Variants in CACNB1 observed in about 807,000 individuals in gnomAD.
CACNB1 encodes the protein voltage-dependent L-type calcium channel subunit beta-1.
CACNB1 carries 29 observed loss-of-function variants against 71.6 expected under a neutral mutation model. That is an observed-to-expected ratio of 0.40 (90% CI 0.30 to 0.55). CACNB1 has a LOEUF of 0.55. Ranked by LOEUF, CACNB1 falls within the 20% of genes least tolerant of loss-of-function variation. The probability of loss-of-function intolerance (pLI) is 0.38; values close to 1 mark genes in which losing one functional copy is unlikely to be tolerated. For missense variants in CACNB1, 623 were observed against 801.8 expected (o/e 0.78, Z 2.69); for synonymous variants, 300 against 319.6 (o/e 0.94, Z 0.65).
At position 39,175,851 on chromosome 17, in the gene CACNB1, C is replaced by T. The variant is rs576371148; in HGVS notation, c.1333-194G>A. On this transcript the variant is annotated intron_variant, in intron 13 of 13. Transcript: ENST00000394303. The surrounding 1 kb of genome is among the most constrained non-coding windows in gnomAD (Gnocchi z 4.7). ...GACAGACCTCAGGGCATTTGCTCCT[C>T]TCTCGGGACAGGGGGCACCCGACCT... 1.3e-5 allele frequency among the ~76,000 whole-genome samples: 2 copies of T among 152,132 alleles called. No individual in the cohort carries two copies. The highest frequency in any genetic ancestry group is 4.1e-4 in the South Asian group (2 of 4,822).
intron 8 of CACNB1, 146 bp from the exon 9 acceptor site, chr17:39,184,529 G>A (rs1298509528): frequency 4.6e-6 from 3 of 648,644 alleles, no homozygotes; most frequent in Non-Finnish European, 8.4e-6. Flanking sequence ...GAGTCTGAGG[G>A]GCCTCCACTG....
Position 39,186,203 on chromosome 17 carries a change from TG to T in CACNB1, c.628+292del. On this transcript the variant is annotated intron_variant, in intron 6 of 13. Transcript: ENST00000394303. The surrounding 1 kb of genome is among the most constrained non-coding windows in gnomAD (Gnocchi z 4.1). The stretch of plus-strand genomic sequence containing the variant: ...CAAGTACAGAACGCAGGGATGGGGA[TG>T]GGGAAAAAAGAAAGAAGAAGAGGTG... 9.8e-7 allele frequency: 1 copy of T among 1,018,590 alleles called. No individual in the cohort carries two copies. The highest frequency in any genetic ancestry group is 1.5e-6 in the Non-Finnish European group (1 of 669,966). The allele number at this position is 1,018,590 out of a possible 1,614,324, so 63.1% of individuals were successfully genotyped here.
intron 9 of CACNB1, 37 bp downstream of exon 9, chr17:39,184,288 C>T: frequency 7.0e-7 from 1 of 1,427,558 alleles, no homozygotes; most frequent in Non-Finnish European, 9.7e-7. Flanking sequence ...CAGCAGAGAG[C>T]AACGGCAGGT....
rs1260882180 is a variant in CACNB1, at chr17:39,175,177, G to T, written c.*16C>A. On this transcript the variant is annotated 3_prime_UTR_variant, in exon 14 of 14. Transcript: ENST00000394303. This position sits in a 1 kb window ranked among gnomAD's most constrained non-coding sequence, Gnocchi z 4.7. ...TGGGCTCAGAGCCCTTCCTCCCGCC[G>T]TGTGGCCCCTGCCTCTCAGCGAATG... is the stretch of plus-strand genomic sequence containing the variant. The T allele has an allele frequency of 6.3e-7, 1 of 1,588,002 alleles. No homozygotes were observed. Among genetic ancestry groups the T allele is most frequent in the Non-Finnish European group, 8.6e-7 (1 of 1,162,276 alleles).
chr17:39,184,847 G>A lies in CACNB1; in HGVS notation c.666C>T (p.Pro222=). 1 of 1,606,316 alleles carries A rather than the reference G, an allele frequency of 6.2e-7. No individual in the cohort carries two copies. Among genetic ancestry groups the A allele is most frequent in the Non-Finnish European group, 8.5e-7 (1 of 1,173,138 alleles). ...QKQKSTEHVP[P]YDVVPSMRPI... is the part of the protein sequence containing the mutation. ...GCCTCATGGAAGGCACCACGTCATAGGGGGGCACATGCTCTGTCTGGGGGG... is the reference window on the plus strand; with the variant it reads ...GCCTCATGGAAGGCACCACGTCATAAGGGGGCACATGCTCTGTCTGGGGGG... The change falls in exon 8 of 14, where the codon CCC becomes CCT. Residue 222 remains proline, a synonymous_variant. Coordinates refer to ENST00000394303, the MANE Select transcript of CACNB1 (RefSeq NM_000723.5).
In CACNB1 at chr17:39,186,223, A is replaced by C; in HGVS notation, c.628+273T>G. On this transcript the variant is annotated intron_variant, in intron 6 of 13. Transcript: ENST00000394303. This position sits in a 1 kb window ranked among gnomAD's most constrained non-coding sequence, Gnocchi z 4.1. ...GGGGATGGGGAAAAAAGAAAGAAGA[A>C]GAGGTGAATGGAACAGGGCTGGGAG... The C allele has an allele frequency of 1.2e-6, 1 of 837,122 alleles. No individual in the cohort carries two copies. Among genetic ancestry groups the C allele is most frequent in the Non-Finnish European group, 1.9e-6 (1 of 513,944 alleles). 51.9% of individuals were successfully genotyped at this position (837,122 alleles called of 1,614,324 possible). A position where few individuals can be genotyped will look rare whatever the true frequency, so the allele number is the denominator to read the frequency against.
rs776824041 is a variant in CACNB1 at position 39,186,533 on chromosome 17, C to G, written c.591G>C (p.Val197=). ...GDNSSSSLGD[V]VTGTRRPTPP... ...GTGTGGGGCGGCGGGTGCCAGTCAC[C>G]ACATCTCCCAGACTGGAACTGGAGT... Residue 197 remains valine (V), a synonymous_variant, in exon 6 of 14, where the codon GTG becomes GTC. Transcript: ENST00000394303. This position sits in a 1 kb window ranked among gnomAD's most constrained non-coding sequence, Gnocchi z 4.1. The G allele has an allele frequency of 3.2e-5, 52 of 1,613,664 alleles. No individual in the cohort carries two copies. Among genetic ancestry groups the G allele is most frequent in the Non-Finnish European group, 4.4e-5 (52 of 1,179,802 alleles).
chr17:39,186,525 C>T lies in CACNB1; in HGVS notation c.599G>A (p.Gly200Asp). The T allele has an allele frequency of 3.1e-6, 5 of 1,613,362 alleles. No individual in the cohort carries two copies. Among genetic ancestry groups the T allele is most frequent in the Non-Finnish European group, 4.2e-6 (5 of 1,179,674 alleles). ...GGCAGGGGGTGTGGGGCGGCGGGTG[C>T]CAGTCACCACATCTCCCAGACTGGA... The part of the protein sequence containing the change: ...SSSSLGDVVT[G>D]TRRPTPPASA... The change falls in exon 6 of 14, where the codon GGC becomes GAC. Residue 200 changes from glycine to aspartate, a missense_variant. Gly to Asp is a moderately conservative substitution (Grantham distance 94). Coordinates refer to ENST00000394303, the MANE Select transcript of CACNB1 (RefSeq NM_000723.5). The surrounding 1 kb of genome is among the most constrained non-coding windows in gnomAD (Gnocchi z 4.1).
chr17:39,182,100 G>A (rs1404154500), intron 11 of CACNB1, among the ~76,000 whole-genome samples: 1 of 151,890 alleles, frequency 6.6e-6, no homozygotes, highest in African/African-American at 2.4e-5. Flanking sequence ...GGCGGAGGTT[G>A]CAGTGAGCAA....
chr17:39,188,950 G>A (rs1489899732), intron 3 of CACNB1, among the ~76,000 whole-genome samples: 1 of 152,158 alleles, frequency 6.6e-6, no homozygotes, highest in Non-Finnish European at 1.5e-5. Context: ...GGCTGAGGCA[G>A]GAGAAACACT....
In CACNB1 at chr17:39,194,799, C is replaced by G; in HGVS notation, c.171+85G>C. 1 of 919,792 alleles carries G rather than the reference C, an allele frequency of 1.1e-6. No homozygotes were observed. Among genetic ancestry groups the G allele is most frequent in the South Asian group, 1.5e-5 (1 of 66,464 alleles). 57.0% of individuals were successfully genotyped at this position (919,792 alleles called of 1,614,324 possible). A position where few individuals can be genotyped will look rare whatever the true frequency, so the allele number is the denominator to read the frequency against. On this transcript the variant is annotated intron_variant, in intron 2 of 13. Transcript: ENST00000394303. This position sits in a 1 kb window ranked among gnomAD's most constrained non-coding sequence, Gnocchi z 4.6. ...TGACAAATGGCACAGGGAAGGGTGC[C>G]TGGACAATACCGCAGACCTGGCTCA...
chr17:39,195,956 C>T (rs1305285784), intron 1 of CACNB1, among the ~76,000 whole-genome samples: 1 of 152,164 alleles, frequency 6.6e-6, no homozygotes, highest in Non-Finnish European at 1.5e-5. Context: ...AGGTTAAGGG[C>T]GTCAGGTATT....
At chr17:39,185,626 C>T (rs3025205) in intron 6 of CACNB1, among the ~76,000 whole-genome samples, 118 of 151,916 alleles carry the variant, frequency 7.8e-4, no homozygotes, top group African/African-American at 2.8e-3. Flanking sequence ...CCATGTCCTG[C>T]TTCACATGCC....
intron 3 of CACNB1, among the ~76,000 whole-genome samples, chr17:39,188,913 C>G (rs983205551): frequency 1.3e-5 from 2 of 151,864 alleles, no homozygotes; most frequent in African/African-American, 4.8e-5. Flanking sequence ...TGTGGTGGCA[C>G]ATGCCTGTAA....
At position 39,184,014 on chromosome 17, in the gene CACNB1, A is replaced by C; in HGVS notation, c.898+17T>G. ...CGGCCCAGAAAGGGGGAGTGAAGAC[A>C]GCAGGAGTAGGCTCACCCAGGCTGG... On this transcript the variant is annotated intron_variant, in intron 10 of 13. Transcript: ENST00000394303. The C allele has an allele frequency of 6.3e-7, 1 of 1,584,956 alleles. No homozygotes were observed. Among genetic ancestry groups the C allele is most frequent in the East Asian group, 2.2e-5 (1 of 44,754 alleles).
At chr17:39,177,588 G>C in intron 12 of CACNB1, 53 bp from the exon 13 acceptor site, 6 of 1,450,482 alleles carry the variant, frequency 4.1e-6, no homozygotes, top group Middle Eastern at 3.7e-4. Flanking sequence ...CATGGCCAAG[G>C]GGGTTGAGGG....
intron 12 of CACNB1, 29 bp from the exon 13 acceptor site, chr17:39,177,564 T>G: frequency 6.5e-7 from 1 of 1,549,306 alleles, no homozygotes; most frequent in Non-Finnish European, 8.7e-7. Context: ...GGGGCAGGGC[T>G]GGGATGAGTG....
intron 6 of CACNB1, 122 bp from the exon 7 acceptor site, chr17:39,185,272 G>C: frequency 1.3e-6 from 1 of 777,096 alleles, no homozygotes; most frequent in East Asian, 2.5e-5. Context: ...CAGACGAGGA[G>C]AGATAACAGG....
chr17:39,184,649 C>T lies in CACNB1; in HGVS notation c.729+135G>A, dbSNP rs2045885130. On this transcript the variant is annotated intron_variant, in intron 8 of 13. Transcript: ENST00000394303. Reference sequence around the variant, plus strand: ...GTGGGTCTTTCTGTGGATTGGGCCCCCTGGGGGTTGTCTCTGAAAGTCTGT... The same window carrying T: ...GTGGGTCTTTCTGTGGATTGGGCCCTCTGGGGGTTGTCTCTGAAAGTCTGT... The T allele has an allele frequency of 1.9e-5, 13 of 696,634 alleles. No individual in the cohort carries two copies. In the South Asian group the frequency reaches 2.1e-4, roughly 11 times the overall value. The allele number at this position is 696,634 out of a possible 1,614,324, so 43.2% of individuals were successfully genotyped here.
Sources: allele counts gnomAD v4.1 joint callset (sites outside exome capture counted in the v4.1 genomes callset), GRCh38; gene constraint gnomAD v4.1.1; non-coding constraint Gnocchi (gnomAD v3.1); transcripts MANE v1.5; gene names NCBI Gene and HGNC (gene_info 2026-07-23, HGNC 2026-07-21).